The following PCDHA1 variants were observed in gnomAD, a reference collection of about 807,000 sequenced individuals.
PCDHA1 encodes the protein protocadherin alpha-1.
A neutral mutation model predicts 61.3 loss-of-function variants in PCDHA1; 42 were observed. The observed-to-expected ratio is 0.69, with a 90% CI of 0.54 to 0.89. The LOEUF is 0.89. PCDHA1 is among the 40% of genes least tolerant of loss of function. PCDHA1 has a pLI of 0.00. For missense variants in PCDHA1, 1,256 were observed against 1,235.3 expected, an observed-to-expected ratio of 1.02 and a Z score of -0.25; for synonymous variants, 610 against 553.8, an observed-to-expected ratio of 1.10 and a Z score of -1.43.
rs782035990 is a variant in PCDHA1 at position 140,871,124 on chromosome 5, C to A, written c.2394+82440C>A. 142 of 1,613,206 alleles carry A rather than the reference C, an allele frequency of 8.8e-5. No individual in the cohort carries two copies. The highest frequency in any genetic ancestry group is 1.2e-4 in the Non-Finnish European group (138 of 1,179,888). Reference sequence around the variant, plus strand: ...GTGTCGTTGGTGGAGAGCGGACAGGCGCCAAAGGCCTCTTCCCGGACTTTG... The same window carrying A: ...GTGTCGTTGGTGGAGAGCGGACAGGAGCCAAAGGCCTCTTCCCGGACTTTG... On this transcript the variant is annotated intron_variant, in intron 1 of 3. Coordinates refer to ENST00000504120, the MANE Select transcript of PCDHA1 (RefSeq NM_018900.4).
At position 140,836,540 on chromosome 5, in the gene PCDHA1, G is replaced by A. The variant is rs2150263388; in HGVS notation, c.2394+47856G>A. On this transcript the variant is annotated intron_variant, in intron 1 of 3. Transcript: ENST00000504120. ...TGGTGCTTACCCTGCTGCTGTACAC[G>A]GCGTTGCGGTGCTCAGCGCCGTCCT... 4,283 of 1,613,776 alleles carry A rather than the reference G, an allele frequency of 2.7e-3. 131 individuals carry two copies. The African/African-American group carries it at 0.05, about 19-fold the overall frequency.
chr5:140,938,899 A>C (rs1175857132), intron 1 of PCDHA1, among the ~76,000 whole-genome samples: 1 of 151,886 alleles, frequency 6.6e-6, no homozygotes, highest in Non-Finnish European at 1.5e-5. Flanking sequence ...ACAGATGCGC[A>C]CACACACACA....
chr5:140,862,911 G>A (rs781861917), intron 1 of PCDHA1: 3 of 549,326 alleles, frequency 5.5e-6, no homozygotes, highest in Admixed American at 3.9e-5. Context: ...CGCTGCTGGC[G>A]CCTTGGGTGG....
rs2150362275 is a variant in PCDHA1 at position 140,843,540 on chromosome 5, T to G, written c.2394+54856T>G. On this transcript the variant is annotated intron_variant, in intron 1 of 3. Transcript: ENST00000504120. Reference sequence around the variant, plus strand: ...TGCCGGGCGGGCAAGCCCACTCTGGTGTGCTCCAGTGCGGTGGGGAGCTGG... The same window carrying G: ...TGCCGGGCGGGCAAGCCCACTCTGGGGTGCTCCAGTGCGGTGGGGAGCTGG... 12 of 1,595,850 alleles carry G rather than the reference T, an allele frequency of 7.5e-6. 3 individuals are homozygous for G. Among genetic ancestry groups the G allele is most frequent in the Non-Finnish European group, 1.0e-5 (12 of 1,165,530 alleles).
chr5:140,859,463 A>C (rs1189832254), intron 1 of PCDHA1: 1 of 215,224 alleles, frequency 4.6e-6, no homozygotes, highest in African/African-American at 2.3e-5. Context: ...ACAAAACTAC[A>C]CTATCAATTG....
intron 1 of PCDHA1, chr5:140,851,881 T>C: frequency 1.0e-6 from 1 of 977,870 alleles, no homozygotes; most frequent in Non-Finnish European, 1.2e-6. Context: ...GGCAGAAATC[T>C]GGATATGAGA....
At chr5:140,967,939 C>T in intron 1 of PCDHA1, 1 of 1,614,188 alleles carries the variant, frequency 6.2e-7, no homozygotes, top group Non-Finnish European at 8.5e-7. Context: ...GTGTCAATGA[C>T]CAAGACTCAG....
At chr5:140,928,855 C>T (rs781997277) in intron 1 of PCDHA1, 1 of 1,614,184 alleles carries the variant, frequency 6.2e-7, no homozygotes, top group Non-Finnish European at 8.5e-7. Context: ...TCTGGGTGTG[C>T]TGTTGAGCAA....
At position 140,926,851 on chromosome 5, in the gene PCDHA1, T is replaced by G. The variant is rs201136210; in HGVS notation, c.2395-52098T>G. On this transcript the variant is annotated intron_variant, in intron 1 of 3. Transcript: ENST00000504120. The stretch of plus-strand genomic sequence containing the variant: ...TCCGGAGCATGGTCCTGGGTCACCG[T>G]TGGTGTAGCGTGTTGGTGGAACGTG... 3 of 1,517,102 alleles carry G rather than the reference T, an allele frequency of 2.0e-6. No homozygotes were observed. In the African/African-American group the frequency reaches 4.2e-5, roughly 21 times the overall value. The allele number at this position is 1,517,102 out of a possible 1,614,324, so 94.0% of individuals were successfully genotyped here.
chr5:140,901,970 G>A (rs1178784932), intron 1 of PCDHA1, among the ~76,000 whole-genome samples: 1 of 151,954 alleles, frequency 6.6e-6, no homozygotes, highest in Non-Finnish European at 1.5e-5. Context: ...TCGTAAATGG[G>A]ATTACTTTTT....
At chr5:140,811,882 T>C (rs1554125838) in intron 1 of PCDHA1, 1 of 152,244 alleles carries the variant, frequency 6.6e-6, no homozygotes, top group Non-Finnish European at 1.5e-5. Context: ...TTAGGTTCTT[T>C]GTAGATTCTG....
rs149770195 is a variant in PCDHA1, at chr5:140,803,255, C to T, written c.2394+14571C>T. On this transcript the variant is annotated intron_variant, in intron 1 of 3. Transcript: ENST00000504120. ...CCTCGTCCCAGGCGTCCGCTGGCGCCACGGGCCCGGAAGCTGCACTGGTGG... is the reference window on the plus strand; with the variant it reads ...CCTCGTCCCAGGCGTCCGCTGGCGCTACGGGCCCGGAAGCTGCACTGGTGG... 2.6e-4 allele frequency: 417 copies of T among 1,613,904 alleles called. No individual in the cohort carries two copies. Among genetic ancestry groups the T allele is most frequent in the Non-Finnish European group, 3.3e-4 (392 of 1,179,966 alleles).
At chr5:140,967,869 C>A in intron 1 of PCDHA1, 1 of 1,614,160 alleles carries the variant, frequency 6.2e-7, no homozygotes, top group South Asian at 1.1e-5. Flanking sequence ...GTGGTGCTCA[C>A]GGACCTGTAT....
intron 1 of PCDHA1, among the ~76,000 whole-genome samples, chr5:140,919,232 T>G (rs1178591658): frequency 3.9e-5 from 6 of 152,246 alleles, no homozygotes; most frequent in African/African-American, 1.4e-4. Flanking sequence ...CTAGTAACAC[T>G]TTTTGTCTTG....
intron 1 of PCDHA1, among the ~76,000 whole-genome samples, chr5:140,845,905 T>C (rs1299056120): frequency 6.7e-6 from 1 of 149,748 alleles, no homozygotes; most frequent in Non-Finnish European, 1.5e-5. Context: ...TGGCCTTCCA[T>C]ATTAATCTTA....
chr5:140,965,174 CT>C (rs1213439654), intron 1 of PCDHA1, among the ~76,000 whole-genome samples: 1 of 152,110 alleles, frequency 6.6e-6, no homozygotes, highest in East Asian at 1.9e-4. Context: ...TTAGTGAGTG[CT>C]TTTTTTGCAC....
At chr5:140,814,728 C>A (rs1013538090) in intron 1 of PCDHA1, 3 of 152,178 alleles carry the variant, frequency 2.0e-5, no homozygotes, top group Non-Finnish European at 4.4e-5. Flanking sequence ...AATTTTTCAG[C>A]TCCATTATAA....
intron 1 of PCDHA1, among the ~76,000 whole-genome samples, chr5:140,976,855 G>A (rs946538789): frequency 9.9e-5 from 15 of 152,142 alleles, no homozygotes; most frequent in Non-Finnish European, 1.5e-4. Flanking sequence ...CTTTCATAGA[G>A]TTTACTGTCT....
rs147693617 is a variant in PCDHA1 at position 140,830,361 on chromosome 5, G to T, written c.2394+41677G>T. ...TCGTACTCGCAGCAGAGGCGGCAGA[G>T]GGTGTGCTCCGGGGAGGGCCCACCC... On this transcript the variant is annotated intron_variant, in intron 1 of 3. Transcript: ENST00000504120. 2.5e-6 allele frequency: 4 copies of T among 1,614,008 alleles called. No homozygotes were observed. The African/African-American group carries it at 5.3e-5, about 22-fold the overall frequency.
Sources: gnomAD v4.1 joint callset for allele counts (sites outside exome capture counted in the v4.1 genomes callset) on GRCh38, gnomAD v4.1.1 for gene constraint, MANE v1.5 for transcripts, NCBI Gene and HGNC (gene_info 2026-07-23, HGNC 2026-07-21) for gene names.